Variants in TSPAN4 observed in about 807,000 individuals in gnomAD.
The protein encoded by TSPAN4 is tetraspanin 4, also known as tetraspanin-4.
In TSPAN4, 38 loss-of-function variants were observed where a neutral mutation model predicts 31.5. The observed-to-expected ratio is 1.21, with a 90% CI of 0.93 to 1.58. The LOEUF is 1.58. Ranked by LOEUF, TSPAN4 falls within the 40% of genes most tolerant of loss-of-function variation. TSPAN4 has a pLI of 0.00. For missense variants in TSPAN4, 330 were observed against 317.3 expected (o/e 1.04, Z -0.30); for synonymous variants, 186 against 144.6 (o/e 1.29, Z -2.06).
chr11:844,795 G>A (rs1488295553), intron 1 of TSPAN4, among the ~76,000 whole-genome samples: 3 of 152,098 alleles, frequency 2.0e-5, no homozygotes, highest in Admixed American at 6.5e-5. Context: ...TCAGGGCAGG[G>A]CACAGGGAGC....
intron 3 of TSPAN4, chr11:858,559 A>G: frequency 1.4e-5 from 2 of 139,612 alleles, no homozygotes; most frequent in Non-Finnish European, 1.5e-5. Flanking sequence ...CATGCACCCC[A>G]GGCTCACATG....
chr11:863,301 G>C (rs1848578413), intron 4 of TSPAN4: 1 of 152,308 alleles, frequency 6.6e-6, no homozygotes, highest in African/African-American at 2.4e-5. Context: ...TGGAAACACA[G>C]GCTTGCTACT....
intron 3 of TSPAN4, among the ~76,000 whole-genome samples, chr11:854,759 T>C (rs1455602814): frequency 1.3e-5 from 2 of 152,140 alleles, no homozygotes; most frequent in Non-Finnish European, 2.9e-5. Flanking sequence ...AGCCTTGGCT[T>C]CCCCTCCCCT....
intron 1 of TSPAN4, 140 bp from the exon 2 acceptor site, chr11:847,061 C>T (rs769689468): frequency 6.6e-6 from 1 of 152,272 alleles, no homozygotes; most frequent in Non-Finnish European, 1.5e-5. Context: ...TGGTGTATCC[C>T]CTGCCCACCC....
At chr11:850,115 C>T (rs1847579968) in intron 2 of TSPAN4, 173 bp from the exon 3 acceptor site, 6 of 487,300 alleles carry the variant, frequency 1.2e-5, no homozygotes, top group East Asian at 3.6e-5. Flanking sequence ...GCGGCGGCCC[C>T]TTCCGGCGCT....
chr11:856,656 G>A (rs925753441), intron 3 of TSPAN4, among the ~76,000 whole-genome samples: 1 of 152,194 alleles, frequency 6.6e-6, no homozygotes, highest in Non-Finnish European at 1.5e-5. Flanking sequence ...AGGCCCAGAT[G>A]CTGGGTGGGA....
chr11:845,444 G>A (rs1477360874), intron 1 of TSPAN4, among the ~76,000 whole-genome samples: 3 of 152,194 alleles, frequency 2.0e-5, no homozygotes, highest in African/African-American at 7.2e-5. Context: ...CCTGTAGATG[G>A]GGCCGAGACT....
At chr11:849,039 A>G in intron 2 of TSPAN4, 1 of 597,230 alleles carries the variant, frequency 1.7e-6, no homozygotes, top group Non-Finnish European at 3.1e-6. Flanking sequence ...AAAATTACCA[A>G]GAATTTCAAG....
intron 3 of TSPAN4, among the ~76,000 whole-genome samples, chr11:851,493 T>C (rs751979032): frequency 3.3e-5 from 5 of 152,094 alleles, no homozygotes; most frequent in Non-Finnish European, 7.4e-5. Context: ...CCAGGCTCCT[T>C]CTCTAGCCAG....
intron 1 of TSPAN4, chr11:844,214 T>G (rs1847154951): frequency 6.6e-6 from 1 of 151,970 alleles, no homozygotes; most frequent in African/African-American, 2.4e-5. Context: ...GTCCCGGATG[T>G]TAGCAGGGTG....
chr11:851,404 G>C (rs1847713351), intron 3 of TSPAN4, among the ~76,000 whole-genome samples: 1 of 152,192 alleles, frequency 6.6e-6, no homozygotes, highest in Non-Finnish European at 1.5e-5. Context: ...TCAGAAGGAG[G>C]CTGTCCATCT....
In TSPAN4 at chr11:865,807, C is replaced by G. The variant is rs147856856; in HGVS notation, c.546C>G (p.Pro182=). The change falls in exon 7 of 9, where the codon CCC becomes CCG. Residue 182 remains proline (P), a synonymous_variant. Coordinates refer to ENST00000397397, the MANE Select transcript of TSPAN4 (RefSeq NM_003271.5). ...GTGAGAGCTGTGGGCTGCACGCCCC[C>G]GGCACCTGGTGGAAGGCGGTGAGTG... ...EFSESCGLHA[P]GTWWKAPCYE... The G allele has an allele frequency of 6.2e-7, 1 of 1,612,274 alleles. No homozygotes were observed. Among genetic ancestry groups the G allele is most frequent in the East Asian group, 2.2e-5 (1 of 44,770 alleles).
At chr11:853,148 C>T (rs905222638) in intron 3 of TSPAN4, among the ~76,000 whole-genome samples, 2 of 152,058 alleles carry the variant, frequency 1.3e-5, no homozygotes, top group African/African-American at 4.8e-5. Flanking sequence ...GGGTCCCATG[C>T]CTGGCTCGTG....
chr11:862,875 A>G (rs373224877), intron 4 of TSPAN4, 134 bp downstream of exon 4: 12 of 1,008,924 alleles, frequency 1.2e-5, no homozygotes, highest in East Asian at 1.1e-4. Flanking sequence ...CCAGGCTGGC[A>G]GTGTGGCCCG....
chr11:849,445 C>T (rs936537056), intron 2 of TSPAN4, among the ~76,000 whole-genome samples: 2 of 152,046 alleles, frequency 1.3e-5, no homozygotes, highest in Non-Finnish European at 2.9e-5. Flanking sequence ...CTTTGAGTAT[C>T]GTTCTCGTGG....
intron 5 of TSPAN4, chr11:864,755 G>T (rs909202198): frequency 1.7e-6 from 1 of 585,026 alleles, no homozygotes; most frequent in Non-Finnish European, 3.1e-6. Context: ...GTGCGCCCCA[G>T]GTTGTCCCCC....
At chr11:862,942 A>G in intron 4 of TSPAN4, 1 of 602,456 alleles carries the variant, frequency 1.7e-6, no homozygotes, top group Non-Finnish European at 2.9e-6. Flanking sequence ...GGTGATTTGC[A>G]GAGCGGTGTG....
intron 3 of TSPAN4, among the ~76,000 whole-genome samples, chr11:860,354 T>A (rs1326590684): frequency 1.3e-5 from 2 of 152,200 alleles, no homozygotes; most frequent in Non-Finnish European, 2.9e-5. Context: ...GGGAGCTGTG[T>A]CCCATCTCCC....
intron 4 of TSPAN4, chr11:863,374 AATCACGAGGCTTCCG>A (rs1176372905): frequency 6.6e-6 from 1 of 152,248 alleles, no homozygotes; most frequent in Non-Finnish European, 1.5e-5. Context: ...TGAGGTCCTA[AATCACGAGGCTTCCG>A]ATCACTCCTT....
Sources: allele counts gnomAD v4.1 joint callset (sites outside exome capture counted in the v4.1 genomes callset), GRCh38; gene constraint gnomAD v4.1.1; transcripts MANE v1.5; gene names NCBI Gene and HGNC (gene_info 2026-07-23, HGNC 2026-07-21).